HTR4: variants seen among roughly 807,000 people sequenced by gnomAD.
The protein encoded by HTR4 is 5-hydroxytryptamine receptor 4.
A neutral mutation model predicts 36.8 loss-of-function variants in HTR4; 16 were observed. The observed-to-expected ratio is 0.43, with a 90% CI of 0.29 to 0.66. HTR4 has a LOEUF of 0.66. HTR4 is among the 30% of genes least tolerant of loss of function. The probability of loss-of-function intolerance (pLI) is 0.13; values close to 1 mark genes in which losing one functional copy is unlikely to be tolerated. For missense variants in HTR4, 438 were observed against 490.9 expected, an observed-to-expected ratio of 0.89 and a Z score of 1.02; for synonymous variants, 189 against 185.1, an observed-to-expected ratio of 1.02 and a Z score of -0.17.
chr5:148,562,447 C>G (rs76959721), intron 2 of HTR4, among the ~76,000 whole-genome samples: 1 of 152,246 alleles, frequency 6.6e-6, no homozygotes. Context: ...CGGTTGACCA[C>G]GCCAGAAACT....
intron 6 of HTR4, among the ~76,000 whole-genome samples, chr5:148,487,741 G>A (rs940801479): frequency 6.6e-6 from 1 of 151,814 alleles, no homozygotes; most frequent in Non-Finnish European, 1.5e-5. Context: ...TAGAGAGAGC[G>A]AGCTTAGAGA....
At chr5:148,485,120 CT>C (rs1273562101) in intron 6 of HTR4, among the ~76,000 whole-genome samples, 1 of 152,108 alleles carries the variant, frequency 6.6e-6, no homozygotes, top group Admixed American at 6.5e-5. Context: ...GCCAAATCCC[CT>C]TTGTATCATA....
chr5:148,481,446 T>G (rs192269338), downstream of HTR4: 151 of 892,438 alleles, frequency 1.7e-4, no homozygotes, highest in Non-Finnish European at 5.0e-5. Flanking sequence ...TCACGAATTC[T>G]GAATAGCATT....
At chr5:148,572,440 G>T (rs1355393688) in intron 2 of HTR4, among the ~76,000 whole-genome samples, 1 of 152,026 alleles carries the variant, frequency 6.6e-6, no homozygotes, top group Non-Finnish European at 1.5e-5. Context: ...ATAGACAAAT[G>T]TAATAATATT....
At chr5:148,599,473 A>G (rs901195566) in intron 2 of HTR4, among the ~76,000 whole-genome samples, 1 of 152,172 alleles carries the variant, frequency 6.6e-6, no homozygotes, top group African/African-American at 2.4e-5. Flanking sequence ...ACACAATGGA[A>G]TGAACAATTC....
intron 5 of HTR4, among the ~76,000 whole-genome samples, chr5:148,459,134 G>T (rs1025838288): frequency 3.3e-5 from 5 of 152,114 alleles, no homozygotes; most frequent in African/African-American, 9.7e-5. Flanking sequence ...GACTGTAGGG[G>T]CAGTGAGGAC....
At chr5:148,602,881 A>C (rs1266079216) in intron 2 of HTR4, among the ~76,000 whole-genome samples, 1 of 152,158 alleles carries the variant, frequency 6.6e-6, no homozygotes, top group Non-Finnish European at 1.5e-5. Context: ...TAAATTTAAA[A>C]TTTAGATGAA....
At chr5:148,533,838 A>G (rs1758687681) in intron 4 of HTR4, among the ~76,000 whole-genome samples, 1 of 152,224 alleles carries the variant, frequency 6.6e-6, no homozygotes, top group African/African-American at 2.4e-5. Flanking sequence ...TATGTTTAAA[A>G]CATAGGAAGT....
intron 1 of HTR4, among the ~76,000 whole-genome samples, chr5:148,650,794 T>C (rs1309165676): frequency 1.3e-5 from 2 of 152,190 alleles, no homozygotes; most frequent in Non-Finnish European, 2.9e-5. Flanking sequence ...GGCAAAGTCA[T>C]AAAAATGAGA....
At chr5:148,458,121 AAATAT>A (rs1446234255) in intron 5 of HTR4, among the ~76,000 whole-genome samples, 82 of 139,090 alleles carry the variant, frequency 5.9e-4, no homozygotes, top group African/African-American at 1.7e-3. Context: ...ATAGATCTTA[AAATAT>A]AATATATTTT....
At chr5:148,462,985 T>TA (rs1755317513) in intron 5 of HTR4, among the ~76,000 whole-genome samples, 2 of 151,998 alleles carry the variant, frequency 1.3e-5, no homozygotes, top group South Asian at 4.2e-4. Flanking sequence ...AAGCTCTCGG[T>TA]AAACTAAGAC....
chr5:148,622,404 A>G (rs899266008), intron 2 of HTR4, among the ~76,000 whole-genome samples: 14 of 152,232 alleles, frequency 9.2e-5, no homozygotes, highest in African/African-American at 3.4e-4. Flanking sequence ...CATCTCACCA[A>G]ACTTTACTTA....
At chr5:148,459,701 C>T (rs1005409989) in intron 5 of HTR4, among the ~76,000 whole-genome samples, 3 of 151,954 alleles carry the variant, frequency 2.0e-5, no homozygotes, top group East Asian at 1.9e-4. Context: ...TCATGTGTAG[C>T]TATCAAGAAA....
chr5:148,544,225 A>G (rs1367847850), intron 4 of HTR4, among the ~76,000 whole-genome samples: 5 of 151,626 alleles, frequency 3.3e-5, no homozygotes, highest in Non-Finnish European at 7.4e-5. Flanking sequence ...TTCATTCATG[A>G]TCTTTCTTTT....
Position 148,482,111 on chromosome 5 carries a change from C to A in HTR4, c.*1092G>T, listed in dbSNP as rs1272818936. 3.0e-6 allele frequency: 3 copies of A among 984,604 alleles called. No homozygotes were observed. Among genetic ancestry groups the A allele is most frequent in the African/African-American group, 3.5e-5 (2 of 57,210 alleles). The allele number at this position is 984,604 out of a possible 1,614,324, so 61.0% of individuals were successfully genotyped here. A position where few individuals can be genotyped will look rare whatever the true frequency, so the allele number is the denominator to read the frequency against. ...CAGCTTGTTTGCAGCACAGCCAGGG[C>A]GGCAATTTGGGTCCTCTGGCTTCAA... On this transcript the variant is annotated 3_prime_UTR_variant, in exon 7 of 7. Transcript: ENST00000377888.
At position 148,654,239 on chromosome 5, in the gene HTR4, A is replaced by C. The variant is rs957950340; in HGVS notation, c.-225T>G. The C allele has an allele frequency of 3.0e-6, 3 of 985,024 alleles. No individual in the cohort carries two copies. The African/African-American group carries it at 5.2e-5, about 17-fold the overall frequency. 61.0% of individuals were successfully genotyped at this position (985,024 alleles called of 1,614,324 possible). A position where few individuals can be genotyped will look rare whatever the true frequency, so the allele number is the denominator to read the frequency against. ...CCGCGCTGGGGAGCCGGCGAGCGTG[A>C]GGCGCGGGCCAGGGGCTGCGGGCGC... is the stretch of plus-strand genomic sequence containing the variant. On this transcript the variant is annotated 5_prime_UTR_variant, in exon 1 of 7. Transcript: ENST00000377888.
chr5:148,639,203 T>C (rs951178654), intron 1 of HTR4, among the ~76,000 whole-genome samples: 2 of 152,162 alleles, frequency 1.3e-5, no homozygotes, highest in East Asian at 3.9e-4. Flanking sequence ...CCTGCCAGAA[T>C]GATATTTTTT....
At chr5:148,496,462 C>T (rs1359241214) in intron 6 of HTR4, among the ~76,000 whole-genome samples, 3 of 151,960 alleles carry the variant, frequency 2.0e-5, no homozygotes, top group East Asian at 1.9e-4. Flanking sequence ...ACACAGAGAG[C>T]GCTAAAAGAA....
chr5:148,504,130 T>A (rs192880512), intron 6 of HTR4, among the ~76,000 whole-genome samples: 81 of 152,316 alleles, frequency 5.3e-4, no homozygotes, highest in African/African-American at 1.8e-3. Flanking sequence ...AACTCAGCTC[T>A]GCATCAAGCA....
Sources: gnomAD v4.1 joint callset for allele counts (sites outside exome capture counted in the v4.1 genomes callset) on GRCh38, gnomAD v4.1.1 for gene constraint, MANE v1.5 for transcripts, NCBI Gene and HGNC (gene_info 2026-07-23, HGNC 2026-07-21) for gene names.